DNAH3: variants seen among roughly 807,000 people sequenced by gnomAD.
DNAH3 encodes the protein axonemal beta dynein heavy chain 3.
In DNAH3, 332 loss-of-function variants were observed where a neutral mutation model predicts 432.5. The ratio of observed to expected loss-of-function variants is 0.77; its 90% confidence interval spans 0.70 to 0.84. The LOEUF is 0.84. Ranked by LOEUF, DNAH3 falls within the 40% of genes least tolerant of loss-of-function variation. The pLI is 0.00. For missense variants in DNAH3, 4,861 were observed against 5,114.0 expected (o/e 0.95, Z 1.51); for synonymous variants, 1,956 against 1,900.2 (o/e 1.03, Z -0.76).
chr16:21,057,357 G>A (rs535151844), intron 27 of DNAH3, among the ~76,000 whole-genome samples: 1 of 152,358 alleles, frequency 6.6e-6, no homozygotes, highest in East Asian at 1.9e-4. Context: ...ATAGTGAGCA[G>A]AGCAGACATA....
intron 24 of DNAH3, among the ~76,000 whole-genome samples, chr16:21,066,872 T>A (rs1440911246): frequency 6.6e-6 from 1 of 152,170 alleles, no homozygotes; most frequent in Non-Finnish European, 1.5e-5. Context: ...AACAAATACA[T>A]GAAGTAGGGG....
chr16:21,022,849 C>T (rs757577412), intron 39 of DNAH3, among the ~76,000 whole-genome samples: 1 of 151,602 alleles, frequency 6.6e-6, no homozygotes, highest in African/African-American at 2.4e-5. Context: ...TGGGTTCAAG[C>T]GATTCTCCTG....
chr16:21,137,741 A>G (rs2092663799), intron 5 of DNAH3, among the ~76,000 whole-genome samples: 1 of 152,116 alleles, frequency 6.6e-6, no homozygotes, highest in Admixed American at 6.5e-5. Context: ...TTCTTACCCA[A>G]GCAAGGGCTT....
At chr16:21,157,025 A>ACACAC (rs2092902716) in intron 1 of DNAH3, among the ~76,000 whole-genome samples, 1 of 151,372 alleles carries the variant, frequency 6.6e-6, no homozygotes, top group African/African-American at 2.4e-5. Context: ...ACACACACAC[A>ACACAC]ATCTTTTCCT....
At chr16:21,106,726 C>G in intron 14 of DNAH3, 52 bp from the exon 15 acceptor site, 1 of 1,340,824 alleles carries the variant, frequency 7.5e-7, no homozygotes, top group Non-Finnish European at 9.9e-7. Context: ...CCATCATCAC[C>G]ATCTAAAATG....
Position 21,125,277 on chromosome 16 carries a change from AAT to A in DNAH3, c.1300_1301del (p.Ile434Ter). The A allele has an allele frequency of 6.2e-7, 1 of 1,613,748 alleles. No individual in the cohort carries two copies. The highest frequency in any genetic ancestry group is 8.5e-7 in the Non-Finnish European group (1 of 1,179,820). On this transcript the variant is annotated frameshift_variant, in exon 9 of 62. Transcript: ENST00000261383. LOFTEE classifies it high-confidence loss of function. ...ATGCCACAGAAGCAAAATATTCCTC[AAT>A]GTTTCGACTTGAGTCATAGTTGCTC...
chr16:20,955,477 TA>T (rs1408724870), intron 54 of DNAH3, among the ~76,000 whole-genome samples: 1 of 151,434 alleles, frequency 6.6e-6, no homozygotes, highest in Non-Finnish European at 1.5e-5. Context: ...TTTTTTTTTT[TA>T]ATGTAGAGAT....
intron 21 of DNAH3, among the ~76,000 whole-genome samples, chr16:21,072,379 T>G (rs8049844): frequency 0.24 from 36,829 of 152,034 alleles, 4,718 homozygotes; most frequent in East Asian, 0.46. Context: ...CAGGCTGGAG[T>G]GCAGTGGCAT....
intron 3 of DNAH3, among the ~76,000 whole-genome samples, chr16:21,144,346 C>G (rs887928459): frequency 3.3e-5 from 5 of 152,162 alleles, no homozygotes; most frequent in Admixed American, 3.3e-4. Context: ...CTCTCCCCCT[C>G]CCTCGCTCTA....
intron 51 of DNAH3, among the ~76,000 whole-genome samples, chr16:20,971,270 C>A (rs2085330809): frequency 6.6e-6 from 1 of 151,830 alleles, no homozygotes; most frequent in African/African-American, 2.4e-5. Flanking sequence ...ATTTATGTTT[C>A]TTAAAGGCAA....
At chr16:21,010,892 T>G (rs1166953620) in intron 41 of DNAH3, among the ~76,000 whole-genome samples, 1 of 151,114 alleles carries the variant, frequency 6.6e-6, no homozygotes, top group Admixed American at 6.6e-5. Context: ...AAACCTGTTT[T>G]TTTTTTTTTG....
intron 31 of DNAH3, among the ~76,000 whole-genome samples, chr16:21,045,655 T>C (rs1236339997): frequency 1.3e-5 from 2 of 148,884 alleles, no homozygotes; most frequent in African/African-American, 4.9e-5. Flanking sequence ...TTTGAAGGGT[T>C]TTTTGTGTCT....
intron 35 of DNAH3, 140 bp downstream of exon 35, chr16:21,036,574 C>A: frequency 1.3e-6 from 1 of 798,582 alleles, no homozygotes; most frequent in Admixed American, 2.6e-5. Context: ...GCCATTACGC[C>A]CAGCTAATGT....
At chr16:21,050,612 A>C (rs1476442582) in intron 29 of DNAH3, among the ~76,000 whole-genome samples, 1 of 151,950 alleles carries the variant, frequency 6.6e-6, no homozygotes, top group African/African-American at 2.4e-5. Flanking sequence ...GTTAATTTTC[A>C]TATTTTTTGT....
chr16:20,935,428 G>C, exon 61 of DNAH3: 1 of 1,613,190 alleles, frequency 6.2e-7, no homozygotes, highest in South Asian at 1.1e-5. Context: ...AAAAAAGACT[G>C]TGTGAAGTAG....
chr16:21,051,527 C>G, intron 29 of DNAH3, 143 bp downstream of exon 29: 2 of 800,286 alleles, frequency 2.5e-6, no homozygotes, highest in Non-Finnish European at 4.0e-6. Context: ...GTTTGCATGC[C>G]CATCTTTGGG....
chr16:20,997,558 GTT>G, intron 43 of DNAH3, 96 bp from the exon 44 acceptor site: 1 of 1,379,242 alleles, frequency 7.3e-7, no homozygotes, highest in Non-Finnish European at 1.0e-6. Context: ...AGGGGAATCT[GTT>G]CCCAGGTTTC....
intron 24 of DNAH3, among the ~76,000 whole-genome samples, chr16:21,064,863 GTGTGTGTGT>G (rs2090487503): frequency 2.7e-4 from 18 of 66,532 alleles, no homozygotes; most frequent in Middle Eastern, 0.014. Flanking sequence ...TGAGGTAGGT[GTGTGTGTGT>G]GTGTGTGTGT....
chr16:21,047,082 G>A (rs1229469078), intron 31 of DNAH3, among the ~76,000 whole-genome samples: 2 of 151,860 alleles, frequency 1.3e-5, no homozygotes, highest in South Asian at 2.1e-4. Flanking sequence ...AGGGTAACCC[G>A]ACCTTTCTCT....
Sources: allele counts gnomAD v4.1 joint callset (sites outside exome capture counted in the v4.1 genomes callset), GRCh38; gene constraint gnomAD v4.1.1; transcripts MANE v1.5; gene names NCBI Gene and HGNC (gene_info 2026-07-23, HGNC 2026-07-21).